Variants in GBP4 observed in about 807,000 individuals in gnomAD.
GBP4 encodes the protein guanylate-binding protein 4.
GBP4 carries 69 observed loss-of-function variants against 62.2 expected under a neutral mutation model. The observed-to-expected ratio is 1.11, with a 90% CI of 0.91 to 1.36. The LOEUF (loss-of-function observed/expected upper bound fraction) is 1.36, where lower values mean the gene tolerates loss of function less well. Among genes scored for constraint, GBP4 ranks in the 40% most tolerant of loss-of-function variants. The pLI, the probability that GBP4 is intolerant of heterozygous loss-of-function variation, is 0.00. For synonymous variants in GBP4, 278 were observed against 274.6 expected (o/e 1.01, Z -0.12); for missense variants, 697 against 759.3 (o/e 0.92, Z 0.96).
Position 89,195,423 on chromosome 1 carries a change from G to T in GBP4, c.237C>A (p.Gly79=), listed in dbSNP as rs1432191829. Residue 79 remains glycine (G), a splice_region_variant and synonymous_variant, in exon 3 of 11, where the codon GGC becomes GGA. Coordinates refer to ENST00000355754, the MANE Select transcript of GBP4 (RefSeq NM_052941.5). ...ACTGCACCGTGGAGCCCAGAGGGAA[G>T]CCTGCAGGGAAGAGGAAAAATAACA... is the stretch of plus-strand genomic sequence containing the variant. The part of the protein sequence containing the change: ...LMNRLAGKRN[G]FPLGSTVQSE... 10 of 1,613,570 alleles carry T rather than the reference G, an allele frequency of 6.2e-6. No individual in the cohort carries two copies. Among genetic ancestry groups the T allele is most frequent in the African/African-American group, 1.3e-5 (1 of 74,912 alleles).
intron 10 of GBP4, 67 bp downstream of exon 10, chr1:89,186,266 G>T (rs1648029607): frequency 7.9e-7 from 1 of 1,273,280 alleles, no homozygotes; most frequent in Middle Eastern, 2.0e-4. Flanking sequence ...CTAAAATTTT[G>T]GTCCTTCCTT....
chr1:89,193,929 C>T (rs1042938499), intron 3 of GBP4, among the ~76,000 whole-genome samples: 2 of 151,936 alleles, frequency 1.3e-5, no homozygotes, highest in African/African-American at 4.8e-5. Context: ...GGGAGGAAAA[C>T]CCAAAGTTAT....
At chr1:89,188,377 G>C (rs1184191101) in intron 8 of GBP4, among the ~76,000 whole-genome samples, 1 of 152,140 alleles carries the variant, frequency 6.6e-6, no homozygotes, top group East Asian at 1.9e-4. Context: ...CTGGATTCAT[G>C]ATGTTAAATC....
rs1271591824 is a variant in GBP4 at position 89,195,482 on chromosome 1, G to A, written c.236-58C>T. ...CAGTGGATAGACCAGGATGTCCCAG[G>A]ATTACACCGGTTAAACTTGTAGGAA... On this transcript the variant is annotated intron_variant, in intron 2 of 10. Transcript: ENST00000355754. The A allele has an allele frequency of 1.1e-5, 17 of 1,593,412 alleles. No homozygotes were observed. In the South Asian group the frequency reaches 1.1e-4, roughly 10 times the overall value.
intron 6 of GBP4, 50 bp downstream of exon 6, chr1:89,191,211 A>G: frequency 6.3e-7 from 1 of 1,591,728 alleles, no homozygotes; most frequent in South Asian, 1.1e-5. Context: ...TACAGCTTCA[A>G]CACATCCTGG....
rs1381423216 is a variant in GBP4, at chr1:89,183,146, A to G, written c.*2108T>C. The G allele has an allele frequency of 6.6e-6, 1 of 152,220 alleles. No homozygotes were observed. Among genetic ancestry groups the G allele is most frequent in the African/African-American group, 2.4e-5 (1 of 41,456 alleles). The allele number at this position is 152,220 out of a possible 1,614,324, so 9.4% of individuals were successfully genotyped here. Reference sequence around the variant, plus strand: ...GGAGGCATCAAGTTACCAAACCTCAAACCATACTACAGAGCTACAGTAACC... The same window carrying G: ...GGAGGCATCAAGTTACCAAACCTCAGACCATACTACAGAGCTACAGTAACC... On this transcript the variant is annotated 3_prime_UTR_variant, in exon 11 of 11. Coordinates refer to ENST00000355754, the MANE Select transcript of GBP4 (RefSeq NM_052941.5).
chr1:89,196,130 G>A (rs1317075282), intron 2 of GBP4, among the ~76,000 whole-genome samples: 1 of 152,060 alleles, frequency 6.6e-6, no homozygotes, highest in African/African-American at 2.4e-5. Flanking sequence ...TAAATAATAA[G>A]AGTATTAATG....
intron 10 of GBP4, 93 bp downstream of exon 10, chr1:89,186,240 G>A (rs775808600): frequency 9.6e-6 from 9 of 935,096 alleles, no homozygotes; most frequent in Non-Finnish European, 1.5e-5. Context: ...GTTTCCTTCT[G>A]GAATCATGAC....
At chr1:89,193,550 A>G (rs1648246460) in intron 3 of GBP4, 138 bp from the exon 4 acceptor site, 4 of 670,500 alleles carry the variant, frequency 6.0e-6, no homozygotes, top group Admixed American at 2.9e-5. Context: ...CCAATGCTGA[A>G]TTCAAACTTC....
At chr1:89,195,021 G>C (rs1222200404) in intron 3 of GBP4, among the ~76,000 whole-genome samples, 2 of 152,034 alleles carry the variant, frequency 1.3e-5, no homozygotes, top group African/African-American at 4.8e-5. Flanking sequence ...CTTGTTTACT[G>C]TTTTATCTGT....
rs536853908 is a variant in GBP4, at chr1:89,190,153, G to A, written c.1082C>T (p.Thr361Ile). 2.5e-6 allele frequency: 4 copies of A among 1,614,156 alleles called. 1 individual carries two copies. The South Asian group carries it at 4.4e-5, about 18-fold the overall frequency. The change falls in exon 7 of 11, where the codon ACA becomes ATA. Residue 361 changes from threonine to isoleucine, a missense_variant. Physicochemically the swap from Thr to Ile is moderately conservative, Grantham distance 89. Coordinates refer to ENST00000355754, the MANE Select transcript of GBP4 (RefSeq NM_052941.5). ...GTCCAGCAGCTCCTGGAGCGTGTCT[G>A]TGGGGAGCCTCAGTTGCTGGGCCAT... Reference protein sequence around the residue: ...QQMAQQLRLPTDTLQELLDVH... With the variant: ...QQMAQQLRLPIDTLQELLDVH...
intron 1 of GBP4, among the ~76,000 whole-genome samples, chr1:89,198,301 G>A (rs1648401718): frequency 6.6e-6 from 1 of 152,020 alleles, no homozygotes; most frequent in Non-Finnish European, 1.5e-5. Flanking sequence ...GCTTGCACAA[G>A]TTAAGTCCCT....
At chr1:89,193,470 C>CATTA in intron 3 of GBP4, 58 bp from the exon 4 acceptor site, 1 of 1,445,326 alleles carries the variant, frequency 6.9e-7, no homozygotes, top group African/African-American at 1.4e-5. Flanking sequence ...TTCATTCATT[C>CATTA]ATTTGGTTGT....
intron 2 of GBP4, among the ~76,000 whole-genome samples, chr1:89,195,955 C>G (rs682784): frequency 1.2e-3 from 183 of 152,152 alleles, no homozygotes; most frequent in African/African-American, 4.2e-3. Flanking sequence ...CTGAATTTTT[C>G]GCAGGATGTA....
intron 10 of GBP4, 53 bp from the exon 11 acceptor site, chr1:89,185,522 CA>C: frequency 1.1e-6 from 1 of 951,038 alleles, no homozygotes; most frequent in Non-Finnish European, 1.6e-6. Context: ...CTTCAGGAGT[CA>C]GAGTTTTGTA....
At chr1:89,198,418 C>G (rs1322475858) in intron 1 of GBP4, among the ~76,000 whole-genome samples, 5 of 152,030 alleles carry the variant, frequency 3.3e-5, no homozygotes, top group Non-Finnish European at 7.4e-5. Flanking sequence ...GGTAGGGTAT[C>G]ACATATTCTA....
Position 89,191,356 on chromosome 1 carries a change from C to T in GBP4, c.821G>A (p.Arg274Lys). ...MDEVPEENLE[R>K]HFLMQSDNFC... ...GTTGTCTGATTGCATAAGGAAATGCCTTTCCAGATTTTCTTCTGGCACTTC... is the reference window on the plus strand; with the variant it reads ...GTTGTCTGATTGCATAAGGAAATGCTTTTCCAGATTTTCTTCTGGCACTTC... The change falls in exon 6 of 11, where the codon AGG becomes AAG. Residue 274 changes from arginine (R) to lysine (K), a missense_variant. Physicochemically the swap from Arg to Lys is conservative, Grantham distance 26. Coordinates refer to ENST00000355754, the MANE Select transcript of GBP4 (RefSeq NM_052941.5). 6.2e-7 allele frequency: 1 copy of T among 1,614,186 alleles called. No homozygotes were observed. The highest frequency in any genetic ancestry group is 8.5e-7 in the Non-Finnish European group (1 of 1,180,020).
intron 4 of GBP4, 45 bp downstream of exon 4, chr1:89,193,257 TC>T (rs1345303994): frequency 1.3e-6 from 2 of 1,579,038 alleles, no homozygotes; most frequent in South Asian, 2.2e-5. Context: ...CAATTCCCAT[TC>T]CCCTAAACCC....
intron 8 of GBP4, 113 bp downstream of exon 8, chr1:89,188,469 T>C (rs1570373395): frequency 1.2e-6 from 1 of 830,458 alleles, no homozygotes; most frequent in East Asian, 2.4e-5. Flanking sequence ...CAAAATAGCA[T>C]CATGTTCTGC....
Sources: gnomAD v4.1 joint callset for allele counts (sites outside exome capture counted in the v4.1 genomes callset) on GRCh38, gnomAD v4.1.1 for gene constraint, MANE v1.5 for transcripts, NCBI Gene and HGNC (gene_info 2026-07-23, HGNC 2026-07-21) for gene names.